FSIP2: variants seen among roughly 807,000 people sequenced by gnomAD.
FSIP2 encodes fibrous sheath-interacting protein 2.
FSIP2 carries 367 observed loss-of-function variants against 510.5 expected under a neutral mutation model. The observed-to-expected ratio is 0.72, with a 90% CI of 0.66 to 0.78. FSIP2 has a LOEUF of 0.78. FSIP2 is among the 30% of genes least tolerant of loss of function. The pLI, the probability that FSIP2 is intolerant of heterozygous loss-of-function variation, is 0.00. For missense variants in FSIP2, 7,594 were observed against 7,901.7 expected, an observed-to-expected ratio of 0.96 and a Z score of 1.48; for synonymous variants, 2,601 against 2,732.2, an observed-to-expected ratio of 0.95 and a Z score of 1.50.
In FSIP2 at chr2:185,789,610, A is replaced by G; in HGVS notation, c.2474A>G (p.His825Arg). Reference sequence around the variant, plus strand: ...TGTGATATTGCAGAGGACATGGTGCATGCCATTTTAGAAAAGCTAATGACT... The same window carrying G: ...TGTGATATTGCAGAGGACATGGTGCGTGCCATTTTAGAAAAGCTAATGACT... ...PMCDIAEDMV[H>R]AILEKLMTLV... Residue 825 changes from histidine (H) to arginine (R), a missense_variant, in exon 16 of 23, where the codon CAT becomes CGT. By Grantham distance (29) the His-to-Arg change is conservative. Coordinates refer to ENST00000424728, the MANE Select transcript of FSIP2 (RefSeq NM_173651.4). 1 of 1,534,832 alleles carries G rather than the reference A, an allele frequency of 6.5e-7. No homozygotes were observed. Among genetic ancestry groups the G allele is most frequent in the Non-Finnish European group, 8.7e-7 (1 of 1,145,874 alleles).
Position 185,808,274 on chromosome 2 carries a change from T to C in FSIP2, c.18968T>C (p.Ile6323Thr). Reference sequence around the variant, plus strand: ...GCTGTCAAAATTATGGAAAAAGTGATCAAAATTATTGATGAACTTAAGTCT... The same window carrying C: ...GCTGTCAAAATTATGGAAAAAGTGACCAAAATTATTGATGAACTTAAGTCT... ...LEAVKIMEKV[I>T]KIIDELKSKE... The change falls in exon 17 of 23, where the codon ATC (isoleucine) becomes ACC (threonine). Residue 6323 changes from isoleucine (I) to threonine (T), a missense_variant. Ile to Thr is a moderately conservative substitution (Grantham distance 89, BLOSUM62 -1). Transcript: ENST00000424728. 2 of 1,601,526 alleles carry C rather than the reference T, an allele frequency of 1.2e-6. No individual in the cohort carries two copies. The highest frequency in any genetic ancestry group is 1.7e-6 in the Non-Finnish European group (2 of 1,175,730).
rs1691963151 is a variant in FSIP2, at chr2:185,743,377, G to A, written c.387+83G>A. ...ACTTGTTTCTGTACCTCACTCGGGGGGCCTGTGTCACTTTTAACTTGGTCA... is the reference window on the plus strand; with the variant it reads ...ACTTGTTTCTGTACCTCACTCGGGGAGCCTGTGTCACTTTTAACTTGGTCA... On this transcript the variant is annotated intron_variant, in intron 3 of 22. Transcript: ENST00000424728. The A allele has an allele frequency of 3.7e-6, 3 of 806,804 alleles. No individual in the cohort carries two copies. The African/African-American group carries it at 5.4e-5, about 15-fold the overall frequency. 50.0% of individuals were successfully genotyped at this position (806,804 alleles called of 1,614,324 possible). A position where few individuals can be genotyped will look rare whatever the true frequency, so the allele number is the denominator to read the frequency against.
intron 9 of FSIP2, among the ~76,000 whole-genome samples, chr2:185,757,489 C>T (rs1692265978): frequency 6.6e-6 from 1 of 151,228 alleles, no homozygotes; most frequent in African/African-American, 2.4e-5. Context: ...GTATGTGAGT[C>T]ATTGTAGGCT....
intron 19 of FSIP2, 26 bp from the exon 20 acceptor site, chr2:185,824,408 A>C: frequency 1.3e-6 from 2 of 1,524,336 alleles, no homozygotes; most frequent in Non-Finnish European, 1.8e-6. Context: ...TTCACCCTAA[A>C]TGATGTTCTT....
chr2:185,762,561 C>A (rs1221413991), intron 11 of FSIP2, among the ~76,000 whole-genome samples: 9 of 151,236 alleles, frequency 6.0e-5, no homozygotes, highest in Admixed American at 5.9e-4. Flanking sequence ...TCATCATCAT[C>A]TTCCTGACCC....
chr2:185,792,652 T>C lies in FSIP2; in HGVS notation c.5516T>C (p.Ile1839Thr). The change falls in exon 16 of 23, where the codon ATA becomes ACA. Residue 1839 changes from isoleucine (I) to threonine (T), a missense_variant. By Grantham distance (89) the Ile-to-Thr change is moderately conservative. Coordinates refer to ENST00000424728, the MANE Select transcript of FSIP2 (RefSeq NM_173651.4). Reference sequence around the variant, plus strand: ...GATCCTTTACTTTCGGAAGCAGATATAACCATAGTAACAGATAATATTGTT... The same window carrying C: ...GATCCTTTACTTTCGGAAGCAGATACAACCATAGTAACAGATAATATTGTT... ...MMDPLLSEAD[I>T]TIVTDNIVRT... 1 of 1,533,894 alleles carries C rather than the reference T, an allele frequency of 6.5e-7. No individual in the cohort carries two copies. The highest frequency in any genetic ancestry group is 8.7e-7 in the Non-Finnish European group (1 of 1,145,320).
At chr2:185,751,498 T>TGTGTGTGTGG (rs1212454749) in intron 7 of FSIP2, among the ~76,000 whole-genome samples, 1 of 149,124 alleles carries the variant, frequency 6.7e-6, no homozygotes, top group Non-Finnish European at 1.5e-5. Context: ...TGTGTGTGTG[T>TGTGTGTGTGG]GGTTACTACT....
chr2:185,759,622 TATA>T (rs1319784263), intron 9 of FSIP2, among the ~76,000 whole-genome samples: 28 of 146,122 alleles, frequency 1.9e-4, no homozygotes, highest in East Asian at 7.8e-4. Flanking sequence ...TAATGGTCAG[TATA>T]ATATTAATAA....
In FSIP2 at chr2:185,794,787, T is replaced by C. The variant is rs1179078776; in HGVS notation, c.7651T>C (p.Tyr2551His). 3 of 1,533,974 alleles carry C rather than the reference T, an allele frequency of 2.0e-6. No homozygotes were observed. The highest frequency in any genetic ancestry group is 2.6e-6 in the Non-Finnish European group (3 of 1,145,534). The change falls in exon 16 of 23, where the codon TAC (tyrosine) becomes CAC (histidine). Residue 2551 changes from tyrosine (Y) to histidine (H), a missense_variant. Physicochemically the swap from Tyr to His is moderately conservative, Grantham distance 83 (BLOSUM62 2). Coordinates refer to ENST00000424728, the MANE Select transcript of FSIP2 (RefSeq NM_173651.4). Reference sequence around the variant, plus strand: ...AGTTGAAAGTGTTTTGGGGAAAATGTACTTGGTAGTTGTGACATCATTATA... The same window carrying C: ...AGTTGAAAGTGTTTTGGGGAAAATGCACTTGGTAGTTGTGACATCATTATA... ...DIVESVLGKM[Y>H]LVVVTSLYEN...
chr2:185,739,267 T>C, intron 1 of FSIP2, 79 bp from the exon 2 acceptor site: 1 of 1,376,742 alleles, frequency 7.3e-7, no homozygotes, highest in African/African-American at 1.5e-5. Flanking sequence ...AGTCTTTGGT[T>C]GCAATGGAAG....
rs1325511301 is a variant in FSIP2, at chr2:185,806,687, T to C, written c.17381T>C (p.Met5794Thr). Residue 5794 changes from methionine (M) to threonine (T), a missense_variant, in exon 17 of 23, where the codon ATG becomes ACG. By Grantham distance (81) the Met-to-Thr change is moderately conservative (BLOSUM62 -1). Coordinates refer to ENST00000424728, the MANE Select transcript of FSIP2 (RefSeq NM_173651.4). Reference protein sequence around the residue: ...AKFLEDVITEMVKQLIFSSIP... With the variant: ...AKFLEDVITETVKQLIFSSIP... ...TTTTTAGAAGATGTTATTACTGAGA[T>C]GGTTAAACAATTGATCTTTTCTTCT... 1.9e-6 allele frequency: 3 copies of C among 1,602,076 alleles called. No individual in the cohort carries two copies. Among genetic ancestry groups the C allele is most frequent in the Non-Finnish European group, 2.6e-6 (3 of 1,176,172 alleles).
intron 7 of FSIP2, among the ~76,000 whole-genome samples, chr2:185,752,425 G>A (rs1479666035): frequency 1.3e-5 from 2 of 150,758 alleles, no homozygotes; most frequent in African/African-American, 2.4e-5. Context: ...TGTTTTCTAC[G>A]CATTGGTGTT....
chr2:185,794,163 C>G lies in FSIP2; in HGVS notation c.7027C>G (p.Leu2343Val), dbSNP rs887034187. Residue 2343 changes from leucine (L) to valine (V), a missense_variant, in exon 16 of 23, where the codon CTA becomes GTA. Leu to Val is a conservative substitution (Grantham distance 32). Coordinates refer to ENST00000424728, the MANE Select transcript of FSIP2 (RefSeq NM_173651.4). ...RREKLGSTIH[L>V]SQARLKTYAD... ...AGAAAAACTTGGATCCACAATTCAC[C>G]TATCGCAAGCTAGGCTTAAGACATA... 3.3e-6 allele frequency: 5 copies of G among 1,534,062 alleles called. No homozygotes were observed. Among genetic ancestry groups the G allele is most frequent in the Admixed American group, 3.9e-5 (2 of 50,776 alleles).
rs2105608897 is a variant in FSIP2 at position 185,788,942 on chromosome 2, T to G, written c.1806T>G (p.Pro602=). The part of the protein sequence containing the change: ...VRRPTTPIKP[P]PAHVEKTVVG... ...GACCAACCACACCTATAAAACCTCCTCCTGCACATGTGGAAAAAACAGTTG... is the reference window on the plus strand; with the variant it reads ...GACCAACCACACCTATAAAACCTCCGCCTGCACATGTGGAAAAAACAGTTG... The change falls in exon 16 of 23, where the codon CCT becomes CCG. Residue 602 remains proline, a synonymous_variant. Coordinates refer to ENST00000424728, the MANE Select transcript of FSIP2 (RefSeq NM_173651.4). 1 of 1,534,916 alleles carries G rather than the reference T, an allele frequency of 6.5e-7. No individual in the cohort carries two copies. Among genetic ancestry groups the G allele is most frequent in the East Asian group, 2.4e-5 (1 of 40,854 alleles).
chr2:185,815,291 T>C, intron 18 of FSIP2, 80 bp from the exon 19 acceptor site: 1 of 701,620 alleles, frequency 1.4e-6, no homozygotes, highest in Non-Finnish European at 2.5e-6. Context: ...AAATGTAGAT[T>C]ATACTGCAAA....
rs887739555 is a variant in FSIP2, at chr2:185,797,010, A to G, written c.9874A>G (p.Ile3292Val). 6.5e-6 allele frequency: 10 copies of G among 1,535,276 alleles called. No individual in the cohort carries two copies. The highest frequency in any genetic ancestry group is 8.7e-6 in the Non-Finnish European group (10 of 1,146,326). ...EAALKQVLSF[I>V]EMGKGENLRV... ...AGCATTAAAGCAAGTCTTGTCATTC[A>G]TAGAAATGGGAAAAGGTGAAAATCT... Residue 3292 changes from isoleucine to valine, a missense_variant, in exon 16 of 23, where the codon ATA becomes GTA. Ile to Val is a conservative substitution (Grantham distance 29). Transcript: ENST00000424728.
At chr2:185,810,652 C>T (rs556030886) in intron 17 of FSIP2, among the ~76,000 whole-genome samples, 63 of 149,910 alleles carry the variant, frequency 4.2e-4, no homozygotes, top group Non-Finnish European at 8.0e-4. Context: ...GGCGTTATAC[C>T]TGAAAATACG....
At chr2:185,760,630 T>C (rs1236459285) in intron 9 of FSIP2, among the ~76,000 whole-genome samples, 1 of 150,372 alleles carries the variant, frequency 6.7e-6, no homozygotes, top group African/African-American at 2.4e-5. Context: ...ATAGAATTCT[T>C]CTCAGAAATG....
In FSIP2 at chr2:185,806,348, T is replaced by C. The variant is rs766138612; in HGVS notation, c.17042T>C (p.Ile5681Thr). The part of the protein sequence containing the change: ...HSDYEHVQNV[I>T]ENIFEDVLEL... ...GATTATGAACATGTTCAAAATGTCA[T>C]TGAAAATATTTTTGAAGATGTTTTA... Residue 5681 changes from isoleucine to threonine, a missense_variant, in exon 17 of 23, where the codon ATT (isoleucine) becomes ACT (threonine). Coordinates refer to ENST00000424728, the MANE Select transcript of FSIP2 (RefSeq NM_173651.4). 32 of 1,610,170 alleles carry C rather than the reference T, an allele frequency of 2.0e-5. No individual in the cohort carries two copies. The Admixed American group carries it at 2.5e-4, about 13-fold the overall frequency.
Sources: allele counts gnomAD v4.1 joint callset (sites outside exome capture counted in the v4.1 genomes callset), GRCh38; gene constraint gnomAD v4.1.1; transcripts MANE v1.5; gene names NCBI Gene and HGNC (gene_info 2026-07-23, HGNC 2026-07-21).